Variants in ADTRP observed in about 807,000 individuals in gnomAD.
ADTRP encodes the protein androgen dependent TFPI regulating protein, also known as androgen-dependent TFPI-regulating protein.
ADTRP carries 20 observed loss-of-function variants against 27.0 expected under a neutral mutation model. The observed-to-expected ratio is 0.74, with a 90% confidence interval of 0.52 to 1.08. The LOEUF is 1.08. Ranked by LOEUF, ADTRP falls within the 50% of genes least tolerant of loss-of-function variation. The probability of loss-of-function intolerance (pLI) is 0.00; values close to 1 mark genes in which losing one functional copy is unlikely to be tolerated. For synonymous variants in ADTRP, 101 were observed against 105.2 expected (o/e 0.96, Z 0.25); for missense variants, 251 against 275.0 (o/e 0.91, Z 0.62).
At chr6:11,717,277 C>A (rs1381718889) in intron 5 of ADTRP, 1 of 1,302,826 alleles carries the variant, frequency 7.7e-7, no homozygotes, top group Admixed American at 2.3e-5. Context: ...GTAGCAAGGG[C>A]TAGAAATATT....
At chr6:11,778,062 C>T (rs908161523) in intron 1 of ADTRP, among the ~76,000 whole-genome samples, 29 of 152,226 alleles carry the variant, frequency 1.9e-4, no homozygotes, top group Non-Finnish European at 1.2e-4. Flanking sequence ...ATTTGCCATT[C>T]GGTTGGGTGA....
At chr6:11,731,321 A>G (rs557089112) in intron 4 of ADTRP, among the ~76,000 whole-genome samples, 1 of 152,316 alleles carries the variant, frequency 6.6e-6, no homozygotes, top group African/African-American at 2.4e-5. Flanking sequence ...TGTCACTCCA[A>G]CTTATTTGAA....
chr6:11,750,660 A>G (rs1763016489), intron 3 of ADTRP, among the ~76,000 whole-genome samples: 1 of 152,192 alleles, frequency 6.6e-6, no homozygotes, highest in African/African-American at 2.4e-5. Flanking sequence ...ATCTATAATC[A>G]CAATTTAGCA....
intron 4 of ADTRP, among the ~76,000 whole-genome samples, chr6:11,726,337 G>C (rs1246068598): frequency 1.1e-4 from 17 of 152,158 alleles, no homozygotes; most frequent in Admixed American, 1.1e-3. Context: ...GTTGGGAGGG[G>C]GAGCCTAGTG....
chr6:11,744,474 C>T (rs1762806886), intron 3 of ADTRP, among the ~76,000 whole-genome samples: 1 of 152,180 alleles, frequency 6.6e-6, no homozygotes, highest in South Asian at 2.1e-4. Flanking sequence ...AATGAAAAGG[C>T]ACCACTGAGC....
At chr6:11,776,678 A>T (rs909161523) in intron 1 of ADTRP, among the ~76,000 whole-genome samples, 1 of 152,208 alleles carries the variant, frequency 6.6e-6, no homozygotes, top group Non-Finnish European at 1.5e-5. Flanking sequence ...TCTTCTAAGG[A>T]TAGAGAGAAC....
intron 1 of ADTRP, among the ~76,000 whole-genome samples, chr6:11,775,460 A>G (rs1399559477): frequency 6.6e-6 from 1 of 152,062 alleles, no homozygotes; most frequent in African/African-American, 2.4e-5. Flanking sequence ...GGCAGTAAGC[A>G]GTGGGACTGA....
At chr6:11,744,571 C>T (rs1315238725) in intron 3 of ADTRP, among the ~76,000 whole-genome samples, 1 of 152,172 alleles carries the variant, frequency 6.6e-6, no homozygotes, top group Non-Finnish European at 1.5e-5. Context: ...TGGTCTGTGG[C>T]TCTACATTCT....
At chr6:11,766,419 T>A (rs1763576143) in intron 2 of ADTRP, 44 bp from the exon 3 acceptor site, 2 of 1,411,580 alleles carry the variant, frequency 1.4e-6, no homozygotes, top group African/African-American at 1.4e-5. Flanking sequence ...GGCTTGTTTT[T>A]AATCAGAGCT....
At chr6:11,729,962 C>A (rs181566510) in intron 4 of ADTRP, among the ~76,000 whole-genome samples, 1 of 152,272 alleles carries the variant, frequency 6.6e-6, no homozygotes, top group East Asian at 1.9e-4. Context: ...AAAACCTATT[C>A]TGTTGTTTCA....
At chr6:11,745,755 T>G (rs925678468) in intron 3 of ADTRP, among the ~76,000 whole-genome samples, 1 of 152,196 alleles carries the variant, frequency 6.6e-6, no homozygotes, top group African/African-American at 2.4e-5. Context: ...TATAACTACA[T>G]GTGAGAGGTT....
At chr6:11,740,456 C>T (rs934045122) in intron 3 of ADTRP, among the ~76,000 whole-genome samples, 8 of 152,084 alleles carry the variant, frequency 5.3e-5, no homozygotes, top group African/African-American at 1.9e-4. Flanking sequence ...ACCAAAATAT[C>T]AATTAAAACA....
At chr6:11,742,800 C>G (rs1465960488) in intron 3 of ADTRP, among the ~76,000 whole-genome samples, 1 of 152,098 alleles carries the variant, frequency 6.6e-6, no homozygotes, top group South Asian at 2.1e-4. Context: ...AATTTTGTAG[C>G]CTTATGTGAT....
intron 1 of ADTRP, among the ~76,000 whole-genome samples, chr6:11,775,705 T>TCTGTCTCCTGTCTCCTGTCTC (rs1264573470): frequency 6.6e-6 from 1 of 152,268 alleles, no homozygotes; most frequent in South Asian, 2.1e-4. Flanking sequence ...GCAACTCGTG[T>TCTGTCTCCTGTCTCCTGTCTC]CTGTCTCCTG....
chr6:11,744,100 A>G (rs550854955), intron 3 of ADTRP, among the ~76,000 whole-genome samples: 4 of 152,240 alleles, frequency 2.6e-5, no homozygotes, highest in Non-Finnish European at 1.5e-5. Context: ...GTAATGAGTG[A>G]GTTCTCACCC....
At chr6:11,753,358 G>A (rs1763114410) in intron 3 of ADTRP, among the ~76,000 whole-genome samples, 1 of 152,116 alleles carries the variant, frequency 6.6e-6, no homozygotes, top group Admixed American at 6.6e-5. Context: ...ACCTGTACCT[G>A]AAGATGATTA....
chr6:11,745,860 G>A (rs1331885394), intron 3 of ADTRP, among the ~76,000 whole-genome samples: 3 of 151,768 alleles, frequency 2.0e-5, no homozygotes, highest in Admixed American at 6.6e-5. Context: ...ACATGATCTC[G>A]GCTCACTGCA....
intron 2 of ADTRP, chr6:11,767,939 T>A: frequency 3.7e-6 from 1 of 272,930 alleles, no homozygotes; most frequent in Non-Finnish European, 6.8e-6. Context: ...CCCATCACCC[T>A]GATGGAACCA....
At chr6:11,763,473 T>A (rs1763455169) in intron 3 of ADTRP, among the ~76,000 whole-genome samples, 1 of 151,980 alleles carries the variant, frequency 6.6e-6, no homozygotes, top group African/African-American at 2.4e-5. Context: ...CAATTGTTCT[T>A]CTACTGTGGA....
Sources: gnomAD v4.1 joint callset for allele counts (sites outside exome capture counted in the v4.1 genomes callset) on GRCh38, gnomAD v4.1.1 for gene constraint, MANE v1.5 for transcripts, NCBI Gene and HGNC (gene_info 2026-07-23, HGNC 2026-07-21) for gene names.